The following RAPGEF5 variants were observed in gnomAD, a reference collection of about 807,000 sequenced individuals.
RAPGEF5 encodes Rap guanine nucleotide exchange factor 5, also known as M-Ras-regulated GEF.
Under a neutral mutation model 125.2 loss-of-function variants are expected in RAPGEF5, and 65 were observed. The observed-to-expected ratio is 0.52, with a 90% CI of 0.43 to 0.64. The LOEUF (loss-of-function observed/expected upper bound fraction) is 0.64. Among genes scored for constraint, RAPGEF5 ranks in the 30% least tolerant of loss-of-function variants. The pLI is 0.00. For synonymous variants in RAPGEF5, 391 were observed against 385.9 expected (o/e 1.01, Z -0.16); for missense variants, 958 against 1,048.1 (o/e 0.91, Z 1.19).
intron 1 of RAPGEF5, among the ~76,000 whole-genome samples, chr7:22,322,318 T>C (rs185177087): frequency 7.6e-4 from 111 of 145,550 alleles, no homozygotes; most frequent in African/African-American, 2.8e-3. Context: ...TTTGTATTTC[T>C]TTTTTTTTTG....
chr7:22,339,914 C>G (rs1583590502), intron 1 of RAPGEF5, among the ~76,000 whole-genome samples: 1 of 152,112 alleles, frequency 6.6e-6, no homozygotes, highest in African/African-American at 2.4e-5. Context: ...AACTCTCCAC[C>G]CCCTAAAGCA....
chr7:22,319,078 T>C (rs1408673128), intron 1 of RAPGEF5, among the ~76,000 whole-genome samples: 1 of 152,220 alleles, frequency 6.6e-6, no homozygotes, highest in Non-Finnish European at 1.5e-5. Context: ...TCCTGCCTAA[T>C]GATCCAGGAA....
chr7:22,346,170 C>T (rs576903403), intron 1 of RAPGEF5, among the ~76,000 whole-genome samples: 1 of 152,258 alleles, frequency 6.6e-6, no homozygotes, highest in Admixed American at 6.5e-5. Context: ...CCCTATCCCA[C>T]CATTGGTTCC....
chr7:22,273,460 C>G (rs1182642148), intron 6 of RAPGEF5, among the ~76,000 whole-genome samples: 2 of 150,630 alleles, frequency 1.3e-5, no homozygotes, highest in Non-Finnish European at 3.0e-5. Flanking sequence ...CCTTGTGATC[C>G]GCCCGCCTCG....
In RAPGEF5 at chr7:22,308,458, G is replaced by T; in HGVS notation, c.561C>A (p.Ser187=). The part of the protein sequence containing the change: ...FQDTYVFYQF[S]SDECSYLYCE... Reference sequence around the variant, plus strand: ...AGTACAAGTAGCTACATTCATCAGAGGAAAACTGGTAGAAAACATAAGTAT... The same window carrying T: ...AGTACAAGTAGCTACATTCATCAGATGAAAACTGGTAGAAAACATAAGTAT... The change falls in exon 5 of 26, where the codon TCC becomes TCA. Residue 187 remains serine (S), a synonymous_variant. Coordinates refer to ENST00000665637, the MANE Select transcript of RAPGEF5 (RefSeq NM_012294.5). 6.4e-7 allele frequency: 1 copy of T among 1,572,520 alleles called. No homozygotes were observed. Among genetic ancestry groups the T allele is most frequent in the Non-Finnish European group, 8.6e-7 (1 of 1,157,376 alleles).
chr7:22,250,665 G>GA (rs1238420572), intron 7 of RAPGEF5, among the ~76,000 whole-genome samples: 2 of 151,116 alleles, frequency 1.3e-5, no homozygotes, highest in African/African-American at 4.9e-5. Context: ...TCCCCGGGGG[G>GA]AAAAAAAGGC....
At chr7:22,324,382 T>C (rs1783774591) in intron 1 of RAPGEF5, among the ~76,000 whole-genome samples, 1 of 152,202 alleles carries the variant, frequency 6.6e-6, no homozygotes, top group Admixed American at 6.5e-5. Context: ...AAAGGCATTA[T>C]GTGATCCTGG....
intron 5 of RAPGEF5, among the ~76,000 whole-genome samples, chr7:22,303,175 C>T (rs112253358): frequency 0.014 from 2,176 of 152,276 alleles, 46 homozygotes; most frequent in African/African-American, 0.049. Flanking sequence ...TTTCATCATT[C>T]CTCACCCATT....
intron 9 of RAPGEF5, among the ~76,000 whole-genome samples, chr7:22,204,898 C>T (rs1473679450): frequency 6.6e-6 from 1 of 151,958 alleles, no homozygotes; most frequent in African/African-American, 2.4e-5. Context: ...AAAGGAAGAG[C>T]GAAGGTTAAA....
chr7:22,234,654 C>G (rs1786141718), intron 7 of RAPGEF5, among the ~76,000 whole-genome samples: 1 of 152,120 alleles, frequency 6.6e-6, no homozygotes, highest in South Asian at 2.1e-4. Context: ...TTAAGGGTAC[C>G]TAGTTTAAAT....
At chr7:22,143,415 G>C (rs1003202955) in intron 20 of RAPGEF5, among the ~76,000 whole-genome samples, 5 of 152,030 alleles carry the variant, frequency 3.3e-5, no homozygotes, top group African/African-American at 7.2e-5. Context: ...CATGTCTCCT[G>C]CCCAAAAACT....
intron 1 of RAPGEF5, among the ~76,000 whole-genome samples, chr7:22,355,175 C>A (rs991200570): frequency 1.3e-5 from 2 of 152,060 alleles, no homozygotes; most frequent in Non-Finnish European, 2.9e-5. Flanking sequence ...GTATTAGAAT[C>A]AAAGAGGGTT....
At chr7:22,237,814 C>T (rs575290222) in intron 7 of RAPGEF5, among the ~76,000 whole-genome samples, 127 of 152,260 alleles carry the variant, frequency 8.3e-4, no homozygotes, top group African/African-American at 3.0e-3. Flanking sequence ...GGAATAATTT[C>T]TAGAACACAG....
At chr7:22,238,300 T>C (rs1188215558) in intron 7 of RAPGEF5, among the ~76,000 whole-genome samples, 1 of 152,222 alleles carries the variant, frequency 6.6e-6, no homozygotes, top group South Asian at 2.1e-4. Context: ...TCTCGAATTA[T>C]CTCAATTAGG....
At chr7:22,217,109 T>C (rs556172355) in intron 9 of RAPGEF5, among the ~76,000 whole-genome samples, 22 of 152,226 alleles carry the variant, frequency 1.4e-4, no homozygotes, top group Non-Finnish European at 2.4e-4. Context: ...AATAGGCAAC[T>C]TGGATTCTAA....
Position 22,218,168 on chromosome 7 carries a change from T to C in RAPGEF5, c.996+1698A>G, listed in dbSNP as rs527968731. Among the ~76,000 whole-genome samples, 46 of 152,266 alleles carry C rather than the reference T, an allele frequency of 3.0e-4. 3 individuals carry two copies. The South Asian group carries it at 9.1e-3, about 30-fold the overall frequency. On this transcript the variant is annotated intron_variant, in intron 9 of 25. Transcript: ENST00000665637. The stretch of plus-strand genomic sequence containing the variant: ...ACACAGGAAGTGTAGATTTCTATAG[T>C]TACAGATTTGAAGAGTATTATAATC...
intron 13 of RAPGEF5, among the ~76,000 whole-genome samples, chr7:22,161,985 C>CTT (rs1298219729): frequency 6.6e-6 from 1 of 152,142 alleles, no homozygotes; most frequent in African/African-American, 2.4e-5. Context: ...ATCTATTTTA[C>CTT]AAATTATTGC....
intron 24 of RAPGEF5, 178 bp downstream of exon 24, chr7:22,130,859 T>A (rs1356806259): frequency 5.0e-6 from 4 of 792,802 alleles, no homozygotes; most frequent in Non-Finnish European, 7.8e-6. Flanking sequence ...TGGAATACAT[T>A]TTGTTGGCAG....
At chr7:22,335,703 AAC>A (rs201833626) in intron 1 of RAPGEF5, among the ~76,000 whole-genome samples, 38 of 105,154 alleles carry the variant, frequency 3.6e-4, no homozygotes, top group Admixed American at 4.7e-4. Flanking sequence ...AAAAAAAAAA[AAC>A]AACAAAACAA....
Sources: gnomAD v4.1 joint callset for allele counts (sites outside exome capture counted in the v4.1 genomes callset) on GRCh38, gnomAD v4.1.1 for gene constraint, MANE v1.5 for transcripts, NCBI Gene and HGNC (gene_info 2026-07-23, HGNC 2026-07-21) for gene names.